PTP4A3: variants seen among roughly 807,000 people sequenced by gnomAD.
PTP4A3 encodes the protein protein tyrosine phosphatase type IVA 3.
In PTP4A3, 9 loss-of-function variants were observed where a neutral mutation model predicts 15.2. The observed-to-expected ratio is 0.59, with a 90% CI of 0.36 to 1.03. The LOEUF (loss-of-function observed/expected upper bound fraction) is 1.03, where lower values mean the gene tolerates loss of function less well. Ranked by LOEUF, PTP4A3 falls within the 50% of genes least tolerant of loss-of-function variation. PTP4A3 has a pLI of 0.02. For synonymous variants in PTP4A3, 95 were observed against 102.0 expected (o/e 0.93, Z 0.41); for missense variants, 234 against 252.1 (o/e 0.93, Z 0.49).
intron 2 of PTP4A3, among the ~76,000 whole-genome samples, chr8:141,422,876 G>A (rs796276281): frequency 1.6e-4 from 24 of 152,340 alleles, no homozygotes; most frequent in African/African-American, 5.1e-4. Flanking sequence ...GATACCTGCC[G>A]CTGGCAACCC....
At chr8:141,407,469 G>A (rs1020333443) in intron 1 of PTP4A3, among the ~76,000 whole-genome samples, 19 of 152,246 alleles carry the variant, frequency 1.2e-4, no homozygotes, top group Middle Eastern at 3.4e-3. Flanking sequence ...GAGGATAAAC[G>A]AAATGTGGCA....
intron 1 of PTP4A3, among the ~76,000 whole-genome samples, chr8:141,393,100 G>A (rs1832337855): frequency 1.3e-5 from 2 of 152,194 alleles, no homozygotes; most frequent in South Asian, 4.1e-4. Flanking sequence ...CTGTGGCCTT[G>A]CACAGACAGA....
chr8:141,427,676 C>T, intron 4 of PTP4A3, 74 bp from the exon 5 acceptor site: 1 of 1,360,288 alleles, frequency 7.4e-7, no homozygotes, highest in East Asian at 2.6e-5. Context: ...TGCCCTGCAT[C>T]TTCAGCAGGT....
rs1428843717 is a variant in PTP4A3 at position 141,431,570 on chromosome 8, C to T, written c.*526C>T. 2 of 153,350 alleles carry T rather than the reference C, an allele frequency of 1.3e-5. No homozygotes were observed. The highest frequency in any genetic ancestry group is 2.9e-5 in the Non-Finnish European group (2 of 68,958). The allele number at this position is 153,350 out of a possible 1,614,324, so 9.5% of individuals were successfully genotyped here. ...GCGTCAGGCGGGGCGGGCTGGTGGC[C>T]TGGGGGCCCCAGAGGCTGCTGTCTG... On this transcript the variant is annotated 3_prime_UTR_variant, in exon 6 of 6. Coordinates refer to ENST00000521578, the MANE Select transcript of PTP4A3 (RefSeq NM_032611.3).
intron 1 of PTP4A3, among the ~76,000 whole-genome samples, chr8:141,420,185 G>A (rs1833262336): frequency 6.6e-6 from 1 of 152,326 alleles, no homozygotes; most frequent in South Asian, 2.1e-4. Context: ...TGGGCGAGGG[G>A]CCCTGAAGTG....
Position 141,431,184 on chromosome 8 carries a change from A to C in PTP4A3, c.*140A>C. ...CCCACATCGCCTTTTCCTCCCCGAC[A>C]CCTCCGTGCACTTGTGTCCGAGGAG... On this transcript the variant is annotated 3_prime_UTR_variant, in exon 6 of 6. Transcript: ENST00000521578. The C allele has an allele frequency of 1.3e-6, 1 of 746,048 alleles. No individual in the cohort carries two copies. Among genetic ancestry groups the C allele is most frequent in the South Asian group, 1.7e-5 (1 of 57,794 alleles). 46.2% of individuals were successfully genotyped at this position (746,048 alleles called of 1,614,324 possible). A position where few individuals can be genotyped will look rare whatever the true frequency, so the allele number is the denominator to read the frequency against.
chr8:141,427,822 C>G lies in PTP4A3; in HGVS notation c.402C>G (p.Arg134=). ...MKYEDAIQFI[R]QKRRGAINSK... is the part of the protein sequence containing the mutation. ...ACGAGGACGCCATCCAGTTCATCCG[C>G]CAGTGAGTGGCCGCGGTGGTGGGGT... The change falls in exon 5 of 6, where the codon CGC becomes CGG. Residue 134 remains arginine (R), a splice_region_variant and synonymous_variant. Transcript: ENST00000521578. 6.5e-7 allele frequency: 1 copy of G among 1,549,908 alleles called. No homozygotes were observed. Among genetic ancestry groups the G allele is most frequent in the Non-Finnish European group, 8.7e-7 (1 of 1,146,422 alleles).
chr8:141,406,943 CT>C lies in PTP4A3; in HGVS notation c.-853-14444del, dbSNP rs1832744212. Among the ~76,000 whole-genome samples, 1 of 152,214 alleles carries C rather than the reference CT, an allele frequency of 6.6e-6. No individual in the cohort carries two copies. Among genetic ancestry groups the C allele is most frequent in the South Asian group, 2.1e-4 (1 of 4,836 alleles). ...TGCGCTCAGAAATCTTTCCTGTCCT[CT>C]AGGGCCCATCTCTGATGCCACCTTC... On this transcript the variant is annotated intron_variant, in intron 1 of 5. Transcript: ENST00000521578. This position sits in a 1 kb window ranked among gnomAD's most constrained non-coding sequence, Gnocchi z 4.5.
At chr8:141,427,159 C>T in intron 4 of PTP4A3, 90 bp downstream of exon 4, 1 of 1,529,574 alleles carries the variant, frequency 6.5e-7, no homozygotes, top group African/African-American at 1.4e-5. Context: ...GGGTCTTGAA[C>T]ACACGTCCAC....
chr8:141,414,471 G>A (rs776811099), intron 1 of PTP4A3, among the ~76,000 whole-genome samples: 10 of 152,132 alleles, frequency 6.6e-5, no homozygotes, highest in Non-Finnish European at 1.3e-4. Context: ...TAGGGAGAGA[G>A]AAGGGCAGCC....
intron 1 of PTP4A3, among the ~76,000 whole-genome samples, chr8:141,411,660 C>A (rs756608644): frequency 6.6e-6 from 1 of 152,210 alleles, no homozygotes; most frequent in South Asian, 2.1e-4. Flanking sequence ...AGCTCTTTCC[C>A]GCGGTTCCTC....
chr8:141,401,280 G>A (rs768437587), intron 1 of PTP4A3, among the ~76,000 whole-genome samples: 2 of 152,098 alleles, frequency 1.3e-5, no homozygotes, highest in Non-Finnish European at 2.9e-5. Context: ...ACATCTGCAC[G>A]TCCTGTCGTT....
At chr8:141,411,660 C>T (rs756608644) in intron 1 of PTP4A3, among the ~76,000 whole-genome samples, 23 of 152,326 alleles carry the variant, frequency 1.5e-4, no homozygotes, top group Non-Finnish European at 2.6e-4. Context: ...AGCTCTTTCC[C>T]GCGGTTCCTC....
intron 1 of PTP4A3, among the ~76,000 whole-genome samples, chr8:141,421,133 G>A (rs535636516): frequency 6.6e-6 from 1 of 152,198 alleles, no homozygotes; most frequent in Non-Finnish European, 1.5e-5. Context: ...TCTGTCCTCC[G>A]TCATGCCCTG....
At chr8:141,417,957 G>C (rs6991905) in intron 1 of PTP4A3, among the ~76,000 whole-genome samples, 151,888 of 151,942 alleles carry the variant, frequency 1, 75,917 homozygotes, top group Non-Finnish European at 1. Flanking sequence ...CCGACCCAGG[G>C]CCAGCACCGT....
rs1833870375 is a variant in PTP4A3 at position 141,431,388 on chromosome 8, AT to A, written c.*348del. The A allele has an allele frequency of 3.1e-6, 1 of 322,912 alleles. No individual in the cohort carries two copies. Among genetic ancestry groups the A allele is most frequent in the Non-Finnish European group, 5.7e-6 (1 of 175,994 alleles). 20.0% of individuals were successfully genotyped at this position (322,912 alleles called of 1,614,324 possible). On this transcript the variant is annotated 3_prime_UTR_variant, in exon 6 of 6. Coordinates refer to ENST00000521578, the MANE Select transcript of PTP4A3 (RefSeq NM_032611.3). ...CCTGTTTGTTGTGGGGTGGGGGTAT[AT>A]TTTGTAACCACTGGGCCCCCAGCCC...
At chr8:141,429,390 G>A (rs1214283739) in intron 5 of PTP4A3, among the ~76,000 whole-genome samples, 2 of 152,258 alleles carry the variant, frequency 1.3e-5, no homozygotes, top group South Asian at 2.1e-4. Flanking sequence ...GCCCCTCAAC[G>A]CCTGTCACCT....
rs1024470047 is a variant in PTP4A3 at position 141,422,417 on chromosome 8, C to T, written c.105+72C>T. ...GAAGCCCGGCTGAGCTGCCCTCAGGCCTCGCAAGAGGGGTCCCCAGCCCCG... is the reference window on the plus strand; with the variant it reads ...GAAGCCCGGCTGAGCTGCCCTCAGGTCTCGCAAGAGGGGTCCCCAGCCCCG... On this transcript the variant is annotated intron_variant, in intron 2 of 5. Transcript: ENST00000521578. The T allele has an allele frequency of 1.4e-5, 22 of 1,557,912 alleles. No individual in the cohort carries two copies. The Admixed American group carries it at 2.4e-4, about 17-fold the overall frequency.
chr8:141,400,439 G>C (rs374590433), intron 1 of PTP4A3, among the ~76,000 whole-genome samples: 70 of 152,228 alleles, frequency 4.6e-4, no homozygotes, highest in Admixed American at 4.6e-3. Flanking sequence ...TGCCGGCCTC[G>C]GGTGCTGTTT....
Sources: allele counts gnomAD v4.1 joint callset (sites outside exome capture counted in the v4.1 genomes callset), GRCh38; gene constraint gnomAD v4.1.1; non-coding constraint Gnocchi (gnomAD v3.1); transcripts MANE v1.5; gene names NCBI Gene and HGNC (gene_info 2026-07-23, HGNC 2026-07-21).